Variants in CCR6 observed in about 807,000 individuals in gnomAD.
CCR6 encodes C-C motif chemokine receptor 6, also known as C-C chemokine receptor type 6.
Under a neutral mutation model 3.0 loss-of-function variants are expected in CCR6, and 2 were observed. The ratio of observed to expected loss-of-function variants is 0.66; its 90% CI spans 0.27 to 2.07. The LOEUF is 2.07. Among genes scored for constraint, CCR6 ranks in the 30% most tolerant of loss-of-function variants. The probability of loss-of-function intolerance (pLI) is 0.14; values close to 1 mark genes in which losing one functional copy is unlikely to be tolerated. For synonymous variants in CCR6, 193 were observed against 184.3 expected (o/e 1.05, Z -0.38); for missense variants, 322 against 462.8 (o/e 0.70, Z 2.79).
chr6:167,111,978 C>T (rs1362637847), exon 1 of CCR6: 1 of 152,100 alleles, frequency 6.6e-6, no homozygotes, highest in African/African-American at 2.4e-5. Flanking sequence ...AAAACTGTGG[C>T]TGTTGGTTTG....
At chr6:167,127,839 C>T (rs1375711909) in intron 1 of CCR6, among the ~76,000 whole-genome samples, 1 of 152,168 alleles carries the variant, frequency 6.6e-6, no homozygotes, top group Non-Finnish European at 1.5e-5. Context: ...GGCTTCTTTC[C>T]ACTAGTAAGT....
chr6:167,112,468 G>A (rs1020573365), intron 1 of CCR6, among the ~76,000 whole-genome samples: 52 of 152,258 alleles, frequency 3.4e-4, no homozygotes, highest in African/African-American at 1.2e-3. Flanking sequence ...CATTGGAAAC[G>A]CTCTAATAGA....
rs1781856566 is a variant in CCR6 at position 167,136,798 on chromosome 6, A to G, written c.568A>G (p.Asn190Asp). 1 of 1,613,876 alleles carries G rather than the reference A, an allele frequency of 6.2e-7. No individual in the cohort carries two copies. Among genetic ancestry groups the G allele is most frequent in the Non-Finnish European group, 8.5e-7 (1 of 1,180,052 alleles). ...AACTTTTGTCTTCAACCAAAAATAC[A>G]ACACCCAAGGCAGCGATGTCTGTGA... ...SSTFVFNQKY[N>D]TQGSDVCEPK... Residue 190 changes from asparagine (N) to aspartate (D), a missense_variant, in exon 3 of 3, where the codon AAC (asparagine) becomes GAC (aspartate). Physicochemically the swap from Asn to Asp is conservative, Grantham distance 23. Transcript: ENST00000341935. The surrounding 1 kb of genome is among the most constrained non-coding windows in gnomAD (Gnocchi z 4.6).
upstream of CCR6, among the ~76,000 whole-genome samples, chr6:167,120,342 G>C (rs536715484): frequency 6.6e-5 from 10 of 152,334 alleles, no homozygotes; most frequent in East Asian, 1.9e-3. Context: ...TTTATACAGA[G>C]TGTTACTTTA....
upstream of CCR6, among the ~76,000 whole-genome samples, chr6:167,122,426 C>T (rs3093021): frequency 0.13 from 19,329 of 152,212 alleles, 2,574 homozygotes; most frequent in African/African-American, 0.33. The surrounding 1 kb of genome is among the most constrained non-coding windows in gnomAD (Gnocchi z 4.2). Context: ...TGACCCGCAT[C>T]GTCACCCAGA....
intron 1 of CCR6, among the ~76,000 whole-genome samples, chr6:167,134,208 C>T (rs1562560755): frequency 6.6e-6 from 1 of 151,974 alleles, no homozygotes; most frequent in East Asian, 1.9e-4. Context: ...AGCAGGGTGC[C>T]TTTGGTCTCT....
Position 167,124,265 on chromosome 6 carries a change from GA to G in CCR6, c.-98+1056del, listed in dbSNP as rs1554281749. 8.2e-4 allele frequency among the ~76,000 whole-genome samples: 111 copies of G among 135,656 alleles called. 2 individuals are homozygous for G. Among genetic ancestry groups the G allele is most frequent in the East Asian group, 1.7e-3 (8 of 4,608 alleles). The allele number at this position is 135,656 out of a possible 152,430, so 89.0% of individuals were successfully genotyped here. ...AACTTCCAAAGAAATTAAAGGAACT[GA>G]AAAAAAAAAAAAACCAACCCACAGA... On this transcript the variant is annotated intron_variant, in intron 1 of 2. Transcript: ENST00000341935.
At chr6:167,132,564 G>A (rs935114834) in intron 1 of CCR6, among the ~76,000 whole-genome samples, 5 of 152,038 alleles carry the variant, frequency 3.3e-5, no homozygotes, top group East Asian at 1.9e-4. Flanking sequence ...TGTTTTGGAC[G>A]GAGTCTCTCT....
In CCR6 at chr6:167,124,259, G is replaced by A. The variant is rs1174381652; in HGVS notation, c.-98+1036G>A. On this transcript the variant is annotated intron_variant, in intron 1 of 2. Coordinates refer to ENST00000341935, the MANE Select transcript of CCR6 (RefSeq NM_031409.4). ...AAAGCAAACTTCCAAAGAAATTAAA[G>A]GAACTGAAAAAAAAAAAAAACCAAC... Among the ~76,000 whole-genome samples, 9 of 97,286 alleles carry A rather than the reference G, an allele frequency of 9.3e-5. 1 individual carries two copies. In the East Asian group the frequency reaches 2.4e-3, roughly 26 times the overall value. 63.8% of individuals were successfully genotyped at this position (97,286 alleles called of 152,430 possible).
intron 1 of CCR6, among the ~76,000 whole-genome samples, chr6:167,128,184 G>A (rs41427544): frequency 0.037 from 5,707 of 152,218 alleles, 288 homozygotes; most frequent in African/African-American, 0.11. Flanking sequence ...TTAGATCTTT[G>A]ACTTCATTGC....
intron 1 of CCR6, among the ~76,000 whole-genome samples, chr6:167,130,992 C>CCCCTCCCTCTGGGACT (rs1562559675): frequency 8.5e-6 from 1 of 118,206 alleles, no homozygotes; most frequent in Non-Finnish European, 1.7e-5. Context: ...CCTCTGGACC[C>CCCCTCCCTCTGGGACT]CCTCCCTTTG....
chr6:167,112,980 A>G (rs1781438519), intron 1 of CCR6, among the ~76,000 whole-genome samples: 1 of 151,834 alleles, frequency 6.6e-6, no homozygotes, highest in African/African-American at 2.4e-5. Context: ...GGGTGAATGC[A>G]TTTATGTCAT....
In CCR6 at chr6:167,115,917, T is replaced by A. The variant is rs184183894; in HGVS notation, c.-98+3903T>A. On this transcript the variant is annotated intron_variant, in intron 1 of 2. Transcript: ENST00000400926. ...TTTTGCAAAACTGAGGCTGTATCTA[T>A]AATGTCATGGTCAGGGTTGGAAGTT... is the stretch of plus-strand genomic sequence containing the variant. 2.0e-3 allele frequency: 299 copies of A among 152,334 alleles called. 1 individual carries two copies. The highest frequency in any genetic ancestry group is 6.9e-3 in the African/African-American group (285 of 41,578). 9.4% of individuals were successfully genotyped at this position (152,334 alleles called of 1,614,324 possible). A position where few individuals can be genotyped will look rare whatever the true frequency, so the allele number is the denominator to read the frequency against.
intron 1 of CCR6, among the ~76,000 whole-genome samples, chr6:167,133,153 C>T (rs370156428): frequency 6.6e-6 from 1 of 151,576 alleles, no homozygotes; most frequent in Non-Finnish European, 1.5e-5. Flanking sequence ...AATTTTTTTA[C>T]AGTTCATTCT....
At chr6:167,132,700 C>G (rs150541745) in intron 1 of CCR6, among the ~76,000 whole-genome samples, 200 of 152,284 alleles carry the variant, frequency 1.3e-3, no homozygotes, top group African/African-American at 4.4e-3. Flanking sequence ...GCCATCACGC[C>G]TGGCTAATTT....
At chr6:167,133,642 A>C (rs1459645585) in intron 1 of CCR6, among the ~76,000 whole-genome samples, 1 of 151,390 alleles carries the variant, frequency 6.6e-6, no homozygotes, top group African/African-American at 2.4e-5. Context: ...CAAAAAAAAA[A>C]CCCTACCATA....
At position 167,137,269 on chromosome 6, in the gene CCR6, T is replaced by C; in HGVS notation, c.1039T>C (p.Ser347Pro). 6.2e-7 allele frequency: 1 copy of C among 1,614,160 alleles called. No homozygotes were observed. Among genetic ancestry groups the C allele is most frequent in the Non-Finnish European group, 8.5e-7 (1 of 1,180,020 alleles). ...AAGGAAGTACAAGTCCTCAGGCTTC[T>C]CCTGTGCCGGGAGGTACTCAGAAAA... is the stretch of plus-strand genomic sequence containing the variant. ...VRRKYKSSGF[S>P]CAGRYSENIS... is the part of the protein sequence containing the mutation. The change falls in exon 3 of 3, where the codon TCC becomes CCC. Residue 347 changes from serine to proline, a missense_variant. By Grantham distance (74) the Ser-to-Pro change is moderately conservative. Coordinates refer to ENST00000341935, the MANE Select transcript of CCR6 (RefSeq NM_031409.4). This position sits in a 1 kb window ranked among gnomAD's most constrained non-coding sequence, Gnocchi z 4.6.
chr6:167,128,116 G>A lies in CCR6; in HGVS notation c.-98+4893G>A, dbSNP rs570065324. Reference sequence around the variant, plus strand: ...AAGGACTCTTCACCTCTAGGGACTCGTGATTGCAGTGGGTCCAACTAGATA... The same window carrying A: ...AAGGACTCTTCACCTCTAGGGACTCATGATTGCAGTGGGTCCAACTAGATA... On this transcript the variant is annotated intron_variant, in intron 1 of 2. Transcript: ENST00000341935. Among the ~76,000 whole-genome samples, 5 of 152,312 alleles carry A rather than the reference G, an allele frequency of 3.3e-5. No homozygotes were observed. In the South Asian group the frequency reaches 6.2e-4, roughly 19 times the overall value.
At chr6:167,117,661 C>T (rs796810471) in intron 1 of CCR6, among the ~76,000 whole-genome samples, 14 of 151,832 alleles carry the variant, frequency 9.2e-5, no homozygotes, top group African/African-American at 2.2e-4. Context: ...GTGATCCGCC[C>T]GTCTCAGCCT....
Sources: gnomAD v4.1 joint callset for allele counts (sites outside exome capture counted in the v4.1 genomes callset) on GRCh38, gnomAD v4.1.1 for gene constraint, Gnocchi (gnomAD v3.1) non-coding constraint, MANE v1.5 for transcripts, NCBI Gene and HGNC (gene_info 2026-07-23, HGNC 2026-07-21) for gene names.